CDK14: variants seen among roughly 807,000 people sequenced by gnomAD.
The protein encoded by CDK14 is cyclin-dependent kinase 14.
A neutral mutation model predicts 60.7 loss-of-function variants in CDK14; 34 were observed. That is an observed-to-expected ratio of 0.56 (90% confidence interval 0.43 to 0.75). CDK14 has a LOEUF of 0.75. Ranked by LOEUF, CDK14 falls within the 30% of genes least tolerant of loss-of-function variation. The pLI is 0.00. For missense variants in CDK14, 482 were observed against 564.1 expected (o/e 0.85, Z 1.47); for synonymous variants, 197 against 203.7 (o/e 0.97, Z 0.28).
chr7:90,608,433 T>A (rs1216395011), intron 2 of CDK14: 3 of 322,902 alleles, frequency 9.3e-6, no homozygotes, highest in Non-Finnish European at 4.5e-6. Context: ...GTGGAAATAG[T>A]TGGAAATGGT....
At chr7:90,723,662 A>G (rs1802534538) in intron 2 of CDK14, among the ~76,000 whole-genome samples, 1 of 152,174 alleles carries the variant, frequency 6.6e-6, no homozygotes, top group Non-Finnish European at 1.5e-5. Context: ...ATTACATAAG[A>G]GTGTGAATAC....
At chr7:90,991,162 C>T (rs1006589993) in intron 10 of CDK14, among the ~76,000 whole-genome samples, 3 of 152,030 alleles carry the variant, frequency 2.0e-5, no homozygotes, top group Non-Finnish European at 4.4e-5. Flanking sequence ...AAAGGAGTAC[C>T]ACTGGAGGGA....
chr7:90,615,243 C>G (rs1799627336), intron 2 of CDK14, among the ~76,000 whole-genome samples: 1 of 152,180 alleles, frequency 6.6e-6, no homozygotes. Context: ...ACTTATTCGA[C>G]CTTTCACTGA....
intron 10 of CDK14, among the ~76,000 whole-genome samples, chr7:91,015,305 T>C (rs1796267710): frequency 6.6e-6 from 1 of 152,140 alleles, no homozygotes. Flanking sequence ...ACCCAAGTTC[T>C]GTACATTCTT....
Position 90,686,571 on chromosome 7 carries a change from A to G in CDK14, c.124-39996A>G, listed in dbSNP as rs1006673720. 4.6e-5 allele frequency among the ~76,000 whole-genome samples: 7 copies of G among 152,194 alleles called. No homozygotes were observed. The East Asian group carries it at 9.6e-4, about 21-fold the overall frequency. ...ACCTTGTTGAAAATTGAAGGACACT[A>G]TTATCTTAGTAAAAGAAAAGGACTC... On this transcript the variant is annotated intron_variant, in intron 2 of 14. Transcript: ENST00000380050.
chr7:90,612,883 A>G (rs971199039), intron 2 of CDK14, among the ~76,000 whole-genome samples: 2 of 152,126 alleles, frequency 1.3e-5, no homozygotes, highest in African/African-American at 2.4e-5. Context: ...CAAGAGGTCT[A>G]AAAGTTAGAC....
intron 14 of CDK14, among the ~76,000 whole-genome samples, chr7:91,205,153 A>C (rs1380316195): frequency 2.2e-4 from 34 of 152,182 alleles, no homozygotes; most frequent in Admixed American, 2.2e-3. Flanking sequence ...TTAAACATAT[A>C]ATTTCCATAT....
intron 2 of CDK14, among the ~76,000 whole-genome samples, chr7:90,648,873 T>TA (rs1463668313): frequency 6.6e-6 from 1 of 152,216 alleles, no homozygotes; most frequent in Non-Finnish European, 1.5e-5. Context: ...AACTTATTTT[T>TA]ATTCAGAAAA....
At chr7:91,086,783 A>G (rs1245287648) in intron 12 of CDK14, among the ~76,000 whole-genome samples, 2 of 152,182 alleles carry the variant, frequency 1.3e-5, no homozygotes, top group Non-Finnish European at 2.9e-5. Context: ...CTCCTTATGT[A>G]AAAGAAACAC....
At chr7:90,623,990 A>C (rs1327149060) in intron 2 of CDK14, among the ~76,000 whole-genome samples, 1 of 152,182 alleles carries the variant, frequency 6.6e-6, no homozygotes, top group East Asian at 1.9e-4. Flanking sequence ...TTGCATATTT[A>C]TAATACATAT....
intron 14 of CDK14, among the ~76,000 whole-genome samples, chr7:91,198,145 T>A (rs1322781741): frequency 6.6e-6 from 1 of 152,222 alleles, no homozygotes; most frequent in African/African-American, 2.4e-5. Context: ...TGTCACTTCA[T>A]GTCACTGTCA....
At chr7:90,864,362 A>G (rs1308094519) in intron 6 of CDK14, among the ~76,000 whole-genome samples, 1 of 152,186 alleles carries the variant, frequency 6.6e-6, no homozygotes, top group African/African-American at 2.4e-5. Flanking sequence ...TGCAAACATA[A>G]TTTCTTTTGT....
At chr7:90,876,334 C>T (rs1791562680) in intron 6 of CDK14, among the ~76,000 whole-genome samples, 1 of 152,178 alleles carries the variant, frequency 6.6e-6, no homozygotes, top group Non-Finnish European at 1.5e-5. Flanking sequence ...TGTCGCTGTC[C>T]CTAACTGGTT....
At chr7:90,809,083 A>C (rs1390889977) in intron 5 of CDK14, among the ~76,000 whole-genome samples, 1 of 152,156 alleles carries the variant, frequency 6.6e-6, no homozygotes, top group African/African-American at 2.4e-5. Context: ...GTTAACGAGG[A>C]TATCCAGGAA....
At chr7:90,839,741 T>C (rs1790227558) in intron 5 of CDK14, among the ~76,000 whole-genome samples, 1 of 152,226 alleles carries the variant, frequency 6.6e-6, no homozygotes, top group East Asian at 1.9e-4. Context: ...TTTAATGAAA[T>C]ATCATTTATT....
At chr7:91,169,421 T>C (rs1584157687) in intron 14 of CDK14, among the ~76,000 whole-genome samples, 1 of 152,308 alleles carries the variant, frequency 6.6e-6, no homozygotes, top group African/African-American at 2.4e-5. Context: ...TAAAGGTCCT[T>C]GAATAAACAT....
Position 91,200,169 on chromosome 7 carries a change from C to T in CDK14, c.*29-6996C>T, listed in dbSNP as rs191402648. Among the ~76,000 whole-genome samples the T allele has an allele frequency of 3.0e-3, 459 of 152,246 alleles. 2 individuals carry two copies. The highest frequency in any genetic ancestry group is 9.9e-3 in the African/African-American group (411 of 41,568). ...TCAAAGAATAAGGAAATTAAGCTGT[C>T]CCAGATTTTCTGAATTCAGTATGAA... On this transcript the variant is annotated intron_variant, in intron 14 of 14. Coordinates refer to ENST00000380050, the MANE Select transcript of CDK14 (RefSeq NM_001287135.2).
chr7:90,623,979 A>T (rs935543071), intron 2 of CDK14, among the ~76,000 whole-genome samples: 15 of 152,186 alleles, frequency 9.9e-5, no homozygotes, highest in Admixed American at 8.5e-4. Context: ...CAGGAGTGTC[A>T]TTGCATATTT....
intron 10 of CDK14, among the ~76,000 whole-genome samples, chr7:91,040,180 C>A (rs938254292): frequency 6.6e-6 from 1 of 152,186 alleles, no homozygotes; most frequent in Admixed American, 6.5e-5. Context: ...GCAGCACATT[C>A]GTTGTACTGT....
Sources: gnomAD v4.1 joint callset for allele counts (sites outside exome capture counted in the v4.1 genomes callset) on GRCh38, gnomAD v4.1.1 for gene constraint, MANE v1.5 for transcripts, NCBI Gene and HGNC (gene_info 2026-07-23, HGNC 2026-07-21) for gene names.